DAB1: variants seen among roughly 807,000 people sequenced by gnomAD.
DAB1 encodes the protein disabled homolog 1.
Under a neutral mutation model 64.6 loss-of-function variants are expected in DAB1, and 15 were observed. That is an observed-to-expected ratio of 0.23 (90% CI 0.16 to 0.36). The LOEUF is 0.36. DAB1 is among the 10% of genes least tolerant of loss of function. The probability of loss-of-function intolerance (pLI) is 1.00; values close to 1 mark genes in which losing one functional copy is unlikely to be tolerated. For synonymous variants in DAB1, 235 were observed against 251.9 expected (o/e 0.93, Z 0.64); for missense variants, 596 against 706.7 (o/e 0.84, Z 1.78).
In DAB1 at chr1:58,142,572, G is replaced by A. The variant is rs535800835; in HGVS notation, n.387+7939C>T. On this transcript the variant is annotated intron_variant and non_coding_transcript_variant, in intron 5 of 20. Coordinates refer to the DAB1 transcript ENST00000485760. ...AGAGCTTTTAAATACAAAGTGAAAG[G>A]AGATTTCCTTGGATCTAAGCCTATG... 1.8e-3 allele frequency among the ~76,000 whole-genome samples: 272 copies of A among 152,358 alleles called. 1 individual carries two copies. The highest frequency in any genetic ancestry group is 3.0e-3 in the Non-Finnish European group (207 of 68,034).
In DAB1 at chr1:57,026,009, G is replaced by A. The variant is rs1431694448; in HGVS notation, c.758C>T (p.Ser253Phe). 3.1e-6 allele frequency: 5 copies of A among 1,593,048 alleles called. No individual in the cohort carries two copies. In the African/African-American group the frequency reaches 4.1e-5, roughly 13 times the overall value. Residue 253 changes from serine (S) to phenylalanine (F), a missense_variant, in exon 10 of 15, where the codon TCC (serine) becomes TTC (phenylalanine). By Grantham distance (155) the Ser-to-Phe change is radical. Transcript: ENST00000371236. ...GGGAGAGGTTATATCAGGGGGTGTG[G>A]ACATGTCCCCAAAAAGTTCTAATTG... Reference protein sequence around the residue: ...VTQLELFGDMSTPPDITSPPT... With the variant: ...VTQLELFGDMFTPPDITSPPT...
At chr1:58,037,487 G>A (rs1647063105) in intron 5 of DAB1, among the ~76,000 whole-genome samples, 1 of 152,174 alleles carries the variant, frequency 6.6e-6, no homozygotes, top group East Asian at 1.9e-4. Context: ...TAGATCAGCA[G>A]TGGCATTAGA....
Position 58,086,015 on chromosome 1 carries a change from G to A in DAB1, n.387+64496C>T, listed in dbSNP as rs1650281978. ...GTCTCGCTCTGTCGCCCAGGCTGGA[G>A]TGCAGTGGCGGGATCTCGGCTCACT... On this transcript the variant is annotated intron_variant and non_coding_transcript_variant, in intron 5 of 20. Transcript: ENST00000485760. 2.2e-5 allele frequency among the ~76,000 whole-genome samples: 3 copies of A among 137,394 alleles called. No homozygotes were observed. In the South Asian group the frequency reaches 7.6e-4, roughly 35 times the overall value. 90.1% of individuals were successfully genotyped at this position (137,394 alleles called of 152,430 possible). A position where few individuals can be genotyped will look rare whatever the true frequency, so the allele number is the denominator to read the frequency against.
At chr1:57,395,246 G>A (rs374741336) in intron 1 of DAB1, among the ~76,000 whole-genome samples, 1 of 152,002 alleles carries the variant, frequency 6.6e-6, no homozygotes, top group Non-Finnish European at 1.5e-5. Context: ...GGCTAGTCTC[G>A]AACTCCTAGC....
At chr1:58,053,210 C>T (rs1364547250) in intron 5 of DAB1, among the ~76,000 whole-genome samples, 2 of 152,128 alleles carry the variant, frequency 1.3e-5, no homozygotes, top group Non-Finnish European at 2.9e-5. Context: ...CTCTTGGTAC[C>T]AGTTTTCTTT....
At chr1:57,153,942 G>C (rs1212877686) in intron 2 of DAB1, among the ~76,000 whole-genome samples, 2 of 152,120 alleles carry the variant, frequency 1.3e-5, no homozygotes, top group African/African-American at 4.8e-5. Flanking sequence ...CCTGGCCGGT[G>C]TATGTATTTA....
At chr1:57,522,092 A>G (rs1012606199) in intron 7 of DAB1, among the ~76,000 whole-genome samples, 5 of 151,574 alleles carry the variant, frequency 3.3e-5, no homozygotes, top group African/African-American at 1.2e-4. Context: ...CCTGGGCGAC[A>G]GAGCGAGACT....
chr1:57,260,769 A>G (rs1331585343), intron 2 of DAB1, among the ~76,000 whole-genome samples: 2 of 152,150 alleles, frequency 1.3e-5, no homozygotes, highest in African/African-American at 2.4e-5. Context: ...TGATTTCTCC[A>G]TATACCTTCC....
intron 6 of DAB1, among the ~76,000 whole-genome samples, chr1:57,805,513 G>T (rs1459662084): frequency 6.6e-6 from 1 of 152,052 alleles, no homozygotes; most frequent in African/African-American, 2.4e-5. Context: ...CTTTTATTTT[G>T]CATAGAATAA....
intron 7 of DAB1, among the ~76,000 whole-genome samples, chr1:57,532,242 C>T (rs1365856105): frequency 9.0e-5 from 8 of 89,084 alleles, no homozygotes; most frequent in Non-Finnish European, 1.6e-4. Context: ...ATGGTGTGGG[C>T]GTGGAGATTC....
At chr1:58,439,722 A>G (rs1447691395) in intron 3 of DAB1, among the ~76,000 whole-genome samples, 1 of 152,246 alleles carries the variant, frequency 6.6e-6, no homozygotes, top group Non-Finnish European at 1.5e-5. Flanking sequence ...AGTAAGTGAC[A>G]GAGAAAGATT....
At chr1:57,840,805 A>T (rs1233948344) in intron 1 of DAB1, among the ~76,000 whole-genome samples, 2 of 152,174 alleles carry the variant, frequency 1.3e-5, no homozygotes, top group Non-Finnish European at 2.9e-5. Flanking sequence ...CCCTCCACAC[A>T]TGAAATTACA....
intron 5 of DAB1, among the ~76,000 whole-genome samples, chr1:57,988,322 C>A (rs1417306765): frequency 2.0e-5 from 3 of 152,220 alleles, no homozygotes; most frequent in Non-Finnish European, 2.9e-5. Flanking sequence ...ATTCTGCCCC[C>A]CCACTCACTC....
At chr1:57,570,049 A>T (rs1312927808) in intron 7 of DAB1, among the ~76,000 whole-genome samples, 1 of 152,144 alleles carries the variant, frequency 6.6e-6, no homozygotes, top group Admixed American at 6.6e-5. Flanking sequence ...ATTGGATTGA[A>T]GGATATAAAG....
chr1:57,808,116 G>T (rs1651450155), intron 6 of DAB1, among the ~76,000 whole-genome samples: 1 of 151,306 alleles, frequency 6.6e-6, no homozygotes, highest in South Asian at 2.1e-4. Context: ...ATTGCTCAAG[G>T]GTCAACTGTA....
intron 3 of DAB1, among the ~76,000 whole-genome samples, chr1:58,460,677 C>T (rs565127925): frequency 3.9e-5 from 6 of 152,174 alleles, no homozygotes; most frequent in African/African-American, 1.4e-4. Context: ...TGTAGCTGTC[C>T]GTAGTCCTGA....
At chr1:57,256,131 C>T (rs1036582535) in intron 2 of DAB1, among the ~76,000 whole-genome samples, 5 of 152,168 alleles carry the variant, frequency 3.3e-5, no homozygotes, top group African/African-American at 4.8e-5. Flanking sequence ...GGCAATTTTA[C>T]ATTTCACATC....
At chr1:58,338,067 A>C (rs747148362) in intron 4 of DAB1, among the ~76,000 whole-genome samples, 1 of 152,156 alleles carries the variant, frequency 6.6e-6, no homozygotes, top group Non-Finnish European at 1.5e-5. Flanking sequence ...TTCATTTCAA[A>C]AGTTTGTTTC....
chr1:57,299,348 C>G (rs991881952), intron 1 of DAB1, among the ~76,000 whole-genome samples: 1 of 152,086 alleles, frequency 6.6e-6, no homozygotes, highest in African/African-American at 2.4e-5. Flanking sequence ...AAATAAAATG[C>G]TATGTTCCAG....
Sources: gnomAD v4.1 joint callset for allele counts (sites outside exome capture counted in the v4.1 genomes callset) on GRCh38, gnomAD v4.1.1 for gene constraint, MANE v1.5 for transcripts, NCBI Gene and HGNC (gene_info 2026-07-23, HGNC 2026-07-21) for gene names.